PRRC2B: variants seen among roughly 807,000 people sequenced by gnomAD.
PRRC2B encodes the protein proline rich coiled-coil 2B.
A neutral mutation model predicts 242.3 loss-of-function variants in PRRC2B; 68 were observed. That is an observed-to-expected ratio of 0.28 (90% CI 0.23 to 0.34). The LOEUF is 0.34. Among genes scored for constraint, PRRC2B ranks in the 10% least tolerant of loss-of-function variants. The pLI is 1.00. For synonymous variants in PRRC2B, 1,228 were observed against 1,173.6 expected, an observed-to-expected ratio of 1.05 and a Z score of -0.95; for missense variants, 2,835 against 2,954.8, an observed-to-expected ratio of 0.96 and a Z score of 0.94.
At position 131,485,016 on chromosome 9, in the gene PRRC2B, T is replaced by G; in HGVS notation, c.5634T>G (p.Ala1878=). ...CGGAGCAGAGCTCTCCAGGCGGCGC[T>G]GGCTCAGGCATCCAGCCTCCATCCT... ...SLPEQSSPGG[A]GSGIQPPSSV... The change falls in exon 25 of 32, where the codon GCT becomes GCG. Residue 1878 remains alanine, a synonymous_variant. Transcript: ENST00000683519. 1 of 1,613,190 alleles carries G rather than the reference T, an allele frequency of 6.2e-7. No individual in the cohort carries two copies. Among genetic ancestry groups the G allele is most frequent in the Non-Finnish European group, 8.5e-7 (1 of 1,179,610 alleles).
At position 131,475,499 on chromosome 9, in the gene PRRC2B, G is replaced by A. The variant is rs1224278484; in HGVS notation, c.3370G>A (p.Ala1124Thr). 5 of 1,606,680 alleles carry A rather than the reference G, an allele frequency of 3.1e-6. No individual in the cohort carries two copies. Among genetic ancestry groups the A allele is most frequent in the Middle Eastern group, 1.6e-4 (1 of 6,062 alleles). Residue 1124 changes from alanine to threonine, a missense_variant, in exon 16 of 32, where the codon GCC becomes ACC. Physicochemically the swap from Ala to Thr is moderately conservative, Grantham distance 58 (BLOSUM62 0). Around this residue, in one of 7 missense-constraint regions of PRRC2B, gnomAD observed 1,536 missense variants for 1,483.1 expected, o/e 1.04. Transcript: ENST00000683519. The part of the protein sequence containing the change: ...EFARPEDCPR[A>T]KPRRRVASET... The stretch of plus-strand genomic sequence containing the variant: ...TGCGCGGCCAGAGGACTGCCCCAGA[G>A]CCAAGCCCCGACGGAGAGTTGCCAG...
chr9:131,393,016 A>G (rs1417601246), upstream of PRRC2B, among the ~76,000 whole-genome samples: 1 of 152,198 alleles, frequency 6.6e-6, no homozygotes, highest in African/African-American at 2.4e-5. Context: ...AGGCTATAAA[A>G]GTATCCAGAA....
chr9:131,486,085 G>A lies in PRRC2B; in HGVS notation c.5759G>A (p.Gly1920Asp). ...ASVAPSASMP[G>D]SHLPPLYLDG... ...GTCCCTTTTGCCGCTCTGTTTCCAG[G>A]CAGCCACCTCCCGCCCCTGTACCTG... Residue 1920 changes from glycine to aspartate, a missense_variant and splice_region_variant, in exon 26 of 32, where the codon GGC becomes GAC. Physicochemically the swap from Gly to Asp is moderately conservative, Grantham distance 94 (BLOSUM62 -1). Coordinates refer to ENST00000683519, the MANE Select transcript of PRRC2B (RefSeq NM_013318.4). 6.2e-7 allele frequency: 1 copy of A among 1,609,218 alleles called. No individual in the cohort carries two copies. The highest frequency in any genetic ancestry group is 8.5e-7 in the Non-Finnish European group (1 of 1,176,964).
chr9:131,382,789 T>C (rs2986612), intron 1 of PRRC2B, among the ~76,000 whole-genome samples: 109,619 of 151,892 alleles, frequency 0.72, 39,663 homozygotes, highest in South Asian at 0.87. Context: ...GGATTATAGG[T>C]GTGCACCACC....
At position 131,475,532 on chromosome 9, in the gene PRRC2B, C is replaced by T. The variant is rs755177540; in HGVS notation, c.3403C>T (p.His1135Tyr). Residue 1135 changes from histidine to tyrosine, a missense_variant, in exon 16 of 32, where the codon CAT becomes TAT. By Grantham distance (83) the His-to-Tyr change is moderately conservative. This residue lies in a region of PRRC2B where 1,536 missense variants were observed against 1,483.1 expected (regional missense o/e 1.04). Transcript: ENST00000683519. ...CCGACGGAGAGTTGCCAGTGAGACC[C>T]ATAGCGAGGGCTCAGAGTATGAAGA... is the stretch of plus-strand genomic sequence containing the variant. ...KPRRRVASETHSEGSEYEELP... is the reference protein window; with the variant it reads ...KPRRRVASETYSEGSEYEELP... 4 of 1,612,270 alleles carry T rather than the reference C, an allele frequency of 2.5e-6. No individual in the cohort carries two copies. The highest frequency in any genetic ancestry group is 1.7e-4 in the Middle Eastern group (1 of 6,060).
At chr9:131,382,383 CCT>C (rs1304009242) in intron 1 of PRRC2B, among the ~76,000 whole-genome samples, 1 of 152,156 alleles carries the variant, frequency 6.6e-6, no homozygotes, top group Non-Finnish European at 1.5e-5. Flanking sequence ...GTCTTTGCCT[CCT>C]CTCTTTCTCC....
Position 131,496,067 on chromosome 9 carries a change from C to G in PRRC2B, c.*193C>G, listed in dbSNP as rs886781280. The G allele has an allele frequency of 1.0e-5, 7 of 697,614 alleles. No homozygotes were observed. Among genetic ancestry groups the G allele is most frequent in the Non-Finnish European group, 1.6e-5 (7 of 433,162 alleles). The allele number at this position is 697,614 out of a possible 1,614,324, so 43.2% of individuals were successfully genotyped here. ...GCACCCGTGGATATATGGCATTGACCCGCTTGCTTTGATACGAAACAAAAA... is the reference window on the plus strand; with the variant it reads ...GCACCCGTGGATATATGGCATTGACGCGCTTGCTTTGATACGAAACAAAAA... On this transcript the variant is annotated 3_prime_UTR_variant, in exon 32 of 32. Coordinates refer to ENST00000683519, the MANE Select transcript of PRRC2B (RefSeq NM_013318.4).
In PRRC2B at chr9:131,447,073, G is replaced by A. The variant is rs746986378; in HGVS notation, c.856-12G>A. 4.3e-6 allele frequency: 7 copies of A among 1,613,878 alleles called. No individual in the cohort carries two copies. The African/African-American group carries it at 8.0e-5, about 18-fold the overall frequency. On this transcript the variant is annotated splice_polypyrimidine_tract_variant and intron_variant, in intron 7 of 31. Coordinates refer to ENST00000683519, the MANE Select transcript of PRRC2B (RefSeq NM_013318.4). ...TTACCAGCAAATCCTGTTCATTGAT[G>A]TTATGTTTCAGATGTGTTCGCCGAA... is the stretch of plus-strand genomic sequence containing the variant.
At chr9:131,490,646 G>T in intron 28 of PRRC2B, 1 of 516,716 alleles carries the variant, frequency 1.9e-6, no homozygotes, top group Non-Finnish European at 3.9e-6. Flanking sequence ...TCCCCACCTC[G>T]CATATCTTGT....
intron 18 of PRRC2B, among the ~76,000 whole-genome samples, chr9:131,478,845 C>T (rs974107653): frequency 6.6e-6 from 1 of 152,140 alleles, no homozygotes; most frequent in Non-Finnish European, 1.5e-5. Context: ...GTGGAAGAAA[C>T]CGAGTCTTGA....
At chr9:131,377,602 C>G (rs997766013) in intron 1 of PRRC2B, among the ~76,000 whole-genome samples, 2 of 152,148 alleles carry the variant, frequency 1.3e-5, no homozygotes, top group Non-Finnish European at 2.9e-5. Flanking sequence ...TCTGCACCCC[C>G]ACCCCAGCCC....
At chr9:131,435,339 G>A (rs1838319578) in intron 3 of PRRC2B, among the ~76,000 whole-genome samples, 1 of 151,660 alleles carries the variant, frequency 6.6e-6, no homozygotes, top group South Asian at 2.1e-4. Context: ...TGTAGGTCGG[G>A]CGCAGTGGCT....
intron 1 of PRRC2B, among the ~76,000 whole-genome samples, chr9:131,382,514 C>G (rs1299072117): frequency 6.6e-6 from 1 of 152,052 alleles, no homozygotes; most frequent in Non-Finnish European, 1.5e-5. Context: ...TGCTTTTATC[C>G]TGTGTGTGTG....
chr9:131,420,496 T>TCTTTC (rs59621148), intron 1 of PRRC2B, among the ~76,000 whole-genome samples: 22 of 75,924 alleles, frequency 2.9e-4, no homozygotes, highest in South Asian at 4.2e-4. Context: ...TTTCTTTCTT[T>TCTTTC]TTTTTTTTTT....
chr9:131,444,460 C>A, intron 6 of PRRC2B, 132 bp downstream of exon 6: 2 of 925,054 alleles, frequency 2.2e-6, no homozygotes, highest in Non-Finnish European at 3.2e-6. Context: ...CTTTGACTCG[C>A]CACGTGATCT....
At chr9:131,472,504 T>C (rs1226565574) in intron 14 of PRRC2B, among the ~76,000 whole-genome samples, 2 of 124,346 alleles carry the variant, frequency 1.6e-5, no homozygotes, top group Admixed American at 2.0e-4. Flanking sequence ...TGAGACAGAG[T>C]CTTGCTCTGT....
intron 9 of PRRC2B, 72 bp downstream of exon 9, chr9:131,447,876 C>T (rs1838855368): frequency 6.9e-7 from 1 of 1,458,550 alleles, no homozygotes; most frequent in East Asian, 2.3e-5. Flanking sequence ...GGATGGAAAC[C>T]CCCTGGCACC....
chr9:131,440,453 C>T (rs1196246440), intron 5 of PRRC2B, among the ~76,000 whole-genome samples: 2 of 151,818 alleles, frequency 1.3e-5, no homozygotes, highest in Non-Finnish European at 2.9e-5. Flanking sequence ...AAAAGAACTA[C>T]AAAAATTAAA....
Position 131,497,848 on chromosome 9 carries a change from T to G in PRRC2B, c.*1974T>G, listed in dbSNP as rs573338334. 2.6e-5 allele frequency: 4 copies of G among 152,418 alleles called. No homozygotes were observed. Among genetic ancestry groups the G allele is most frequent in the East Asian group, 1.9e-4 (1 of 5,178 alleles). 9.4% of individuals were successfully genotyped at this position (152,418 alleles called of 1,614,324 possible). A position where few individuals can be genotyped will look rare whatever the true frequency, so the allele number is the denominator to read the frequency against. ...GTTCCAGGCATTCCCTACCTGAGCT[T>G]CTTGTCTGCTTTTCCTTCTCCCACT... On this transcript the variant is annotated 3_prime_UTR_variant, in exon 32 of 32. Transcript: ENST00000683519.
Sources: allele counts gnomAD v4.1 joint callset (sites outside exome capture counted in the v4.1 genomes callset), GRCh38; gene constraint gnomAD v4.1.1; regional missense constraint gnomAD v4.1.1; transcripts MANE v1.5; gene names NCBI Gene and HGNC (gene_info 2026-07-23, HGNC 2026-07-21).